Variants in SLC2A5 observed in about 807,000 individuals in gnomAD.
SLC2A5 encodes solute carrier family 2 member 5.
SLC2A5 carries 56 observed loss-of-function variants against 50.3 expected under a neutral mutation model. The ratio of observed to expected loss-of-function variants is 1.11; its 90% CI spans 0.90 to 1.39. The LOEUF (loss-of-function observed/expected upper bound fraction) is 1.39, where lower values mean the gene tolerates loss of function less well. SLC2A5 is among the 40% of genes most tolerant of loss of function. The pLI is 0.00. For synonymous variants in SLC2A5, 269 were observed against 281.9 expected (o/e 0.95, Z 0.46); for missense variants, 566 against 650.1 (o/e 0.87, Z 1.41).
rs538196605 is a variant in SLC2A5, at chr1:9,038,689, C to T, written c.1098+139G>A. Reference sequence around the variant, plus strand: ...ATGAGCTGGCAGGACACACGGTCCCCAGATGTCTGGCCAGTTGTATTTGCT... The same window carrying T: ...ATGAGCTGGCAGGACACACGGTCCCTAGATGTCTGGCCAGTTGTATTTGCT... On this transcript the variant is annotated intron_variant, in intron 9 of 11. Transcript: ENST00000377424. 1.8e-4 allele frequency: 240 copies of T among 1,362,540 alleles called. No homozygotes were observed. In the African/African-American group the frequency reaches 3.3e-3, roughly 19 times the overall value. 84.4% of individuals were successfully genotyped at this position (1,362,540 alleles called of 1,614,324 possible).
chr1:9,082,619 A>G (rs1642366958), intron 2 of SLC2A5: 1 of 157,866 alleles, frequency 6.3e-6, no homozygotes, highest in Admixed American at 6.5e-5. Context: ...GAAGCCAGAC[A>G]GAAAAAGGTT....
chr1:9,085,747 G>A (rs12739327), intron 1 of SLC2A5, among the ~76,000 whole-genome samples: 13,112 of 152,228 alleles, frequency 0.086, 686 homozygotes, highest in Middle Eastern at 0.19. Flanking sequence ...TTACACTGGG[G>A]TGGCAGTGGT....
chr1:9,060,633 A>C (rs1641913490), intron 1 of SLC2A5, among the ~76,000 whole-genome samples: 2 of 112,102 alleles, frequency 1.8e-5, no homozygotes, highest in African/African-American at 3.4e-5. Flanking sequence ...ACACATACAC[A>C]CATACAGCCC....
rs151205425 is a variant in SLC2A5, at chr1:9,052,426, T to C, written c.294-4692A>G. Among the ~76,000 whole-genome samples the C allele has an allele frequency of 7.2e-4, 109 of 152,218 alleles. 3 individuals are homozygous for C. The East Asian group carries it at 0.017, about 24-fold the overall frequency. On this transcript the variant is annotated intron_variant, in intron 3 of 11. Coordinates refer to ENST00000377424, the MANE Select transcript of SLC2A5 (RefSeq NM_003039.3). The stretch of plus-strand genomic sequence containing the variant: ...AGGGAGGGGGTGACTAGGCAGAGCA[T>C]AGAGGATTCTTAGGGCAGTGAAACT...
In SLC2A5 at chr1:9,040,340, G is replaced by T; in HGVS notation, c.572-151C>A. 1 of 920,394 alleles carries T rather than the reference G, an allele frequency of 1.1e-6. No homozygotes were observed. Among genetic ancestry groups the T allele is most frequent in the Non-Finnish European group, 1.6e-6 (1 of 630,022 alleles). 57.0% of individuals were successfully genotyped at this position (920,394 alleles called of 1,614,324 possible). ...AGCCCTAAGAACAGCAACTCCCGAC[G>T]GTGGACACTCGGGAAACACCTGCAG... On this transcript the variant is annotated intron_variant, in intron 5 of 11. Coordinates refer to ENST00000377424, the MANE Select transcript of SLC2A5 (RefSeq NM_003039.3). This position sits in a 1 kb window ranked among gnomAD's most constrained non-coding sequence, Gnocchi z 4.3.
chr1:9,060,228 TAC>T (rs146421589), intron 1 of SLC2A5, among the ~76,000 whole-genome samples: 41,219 of 104,202 alleles, frequency 0.4, 7,100 homozygotes, highest in East Asian at 0.49. Context: ...TAACAAACAA[TAC>T]ACACACACCC....
At chr1:9,093,157 C>T (rs1557688946), upstream of SLC2A5, among the ~76,000 whole-genome samples, 1 of 152,250 alleles carries the variant, frequency 6.6e-6, no homozygotes, top group East Asian at 1.9e-4. Flanking sequence ...TAATCCCTTC[C>T]TACAGCCAGG....
intron 4 of SLC2A5, 146 bp downstream of exon 4, chr1:9,047,464 G>T: frequency 1.4e-6 from 1 of 730,448 alleles, no homozygotes; most frequent in Non-Finnish European, 2.2e-6. Flanking sequence ...GAACCAGGTA[G>T]GGCTCAACCA....
chr1:9,067,285 C>A (rs542533266), intron 1 of SLC2A5, among the ~76,000 whole-genome samples: 7 of 152,196 alleles, frequency 4.6e-5, no homozygotes, highest in Non-Finnish European at 7.3e-5. Context: ...CTCTCAGGAG[C>A]GGGAAGCCCA....
rs138515110 is a variant in SLC2A5 at position 9,077,789 on chromosome 1, A to AGAAG, written c.-59+7221_-59+7224dup. On this transcript the variant is annotated intron_variant, in intron 2 of 5. Transcript: ENST00000464985. ...GGAGGGAGGGAGGGAAAGAAGGGGAAGAAGGAAGGAAGGAAGGAAGGACAG... is the reference window on the plus strand; with the variant it reads ...GGAGGGAGGGAGGGAAAGAAGGGGAAGAAGGAAGGAAGGAAGGAAGGAAGGACAG... 1.4e-3 allele frequency among the ~76,000 whole-genome samples: 161 copies of AGAAG among 113,176 alleles called. 1 individual carries two copies. The highest frequency in any genetic ancestry group is 5.2e-3 in the African/African-American group (142 of 27,508). The allele number at this position is 113,176 out of a possible 152,430, so 74.2% of individuals were successfully genotyped here.
Position 9,050,773 on chromosome 1 carries a change from A to T in SLC2A5, c.294-3039T>A, listed in dbSNP as rs12078094. 6.5e-3 allele frequency among the ~76,000 whole-genome samples: 987 copies of T among 152,330 alleles called. 11 individuals carry two copies. The highest frequency in any genetic ancestry group is 0.022 in the African/African-American group (907 of 41,576). Reference sequence around the variant, plus strand: ...AAAATCTTTAGCCAATAAAGACAAAAAGGGAAGTTGGGTAATAGTCTTAAT... The same window carrying T: ...AAAATCTTTAGCCAATAAAGACAAATAGGGAAGTTGGGTAATAGTCTTAAT... On this transcript the variant is annotated intron_variant, in intron 3 of 11. Coordinates refer to ENST00000377424, the MANE Select transcript of SLC2A5 (RefSeq NM_003039.3).
chr1:9,085,769 C>G (rs1038045464), intron 1 of SLC2A5, among the ~76,000 whole-genome samples: 2 of 152,146 alleles, frequency 1.3e-5, no homozygotes, highest in African/African-American at 4.8e-5. Flanking sequence ...CAGGACGGGG[C>G]AGGTTTGCTC....
rs753048550 is a variant in SLC2A5 at position 9,037,755 on chromosome 1, G to A, written c.1337C>T (p.Ala446Val). 8.7e-6 allele frequency: 14 copies of A among 1,614,044 alleles called. No individual in the cohort carries two copies. Residue 446 changes from alanine (A) to valine (V), a missense_variant, in exon 12 of 12, where the codon GCC becomes GTC. Transcript: ENST00000377424. ...GLGPYSFIVF[A>V]VICLLTTIYI... ...GATGGTGGTGAGGAGGCAGATCACG[G>A]CGAAGACAATGAAGCTGTACGGGCC...
chr1:9,050,191 T>G (rs1433149609), intron 3 of SLC2A5, among the ~76,000 whole-genome samples: 1 of 151,804 alleles, frequency 6.6e-6, no homozygotes, highest in Non-Finnish European at 1.5e-5. Flanking sequence ...GCTAGAGAAT[T>G]GCTTGAACTC....
chr1:9,049,625 C>G (rs1396130261), intron 3 of SLC2A5, among the ~76,000 whole-genome samples: 2 of 151,516 alleles, frequency 1.3e-5, no homozygotes. Flanking sequence ...ATCGCTTGAA[C>G]CTGGAAGGCG....
In SLC2A5 at chr1:9,039,985, G is replaced by A. The variant is rs1202638325; in HGVS notation, c.700C>T (p.Leu234=). 6.2e-7 allele frequency: 1 copy of A among 1,605,872 alleles called. No individual in the cohort carries two copies. The highest frequency in any genetic ancestry group is 1.3e-5 in the African/African-American group (1 of 74,742). ...KKDEAAAKKA[L]QTLRGWDSVD... ...GAGTCCCAGCCGCGCAGCGTCTGTA[G>A]GGCTGGGGAGAAGCGGCACCGTCGG... Residue 234 remains leucine (L), a splice_region_variant and synonymous_variant, in exon 7 of 12, where the codon CTA becomes TTA. Transcript: ENST00000377424.
chr1:9,047,779 C>G lies in SLC2A5; in HGVS notation c.294-45G>C, dbSNP rs779134802. On this transcript the variant is annotated intron_variant, in intron 3 of 11. Coordinates refer to ENST00000377424, the MANE Select transcript of SLC2A5 (RefSeq NM_003039.3). ...AGTTAGTTTTGCTGAAGAATTCACT[C>G]TTTCATTCAAGAAATGTTTCTGGAG... is the stretch of plus-strand genomic sequence containing the variant. The G allele has an allele frequency of 1.9e-6, 3 of 1,600,342 alleles. No homozygotes were observed. In the South Asian group the frequency reaches 3.3e-5, roughly 18 times the overall value.
chr1:9,040,251 C>A lies in SLC2A5; in HGVS notation c.572-62G>T. 6.6e-7 allele frequency: 1 copy of A among 1,518,528 alleles called. No individual in the cohort carries two copies. Among genetic ancestry groups the A allele is most frequent in the Non-Finnish European group, 8.8e-7 (1 of 1,138,346 alleles). The allele number at this position is 1,518,528 out of a possible 1,614,324, so 94.1% of individuals were successfully genotyped here. A position where few individuals can be genotyped will look rare whatever the true frequency, so the allele number is the denominator to read the frequency against. The stretch of plus-strand genomic sequence containing the variant: ...CCCACCACCCCGAAGGCGCCCTCTG[C>A]AGAGCCGGCCCCAGCCCCGTCATCC... On this transcript the variant is annotated intron_variant, in intron 5 of 11. Transcript: ENST00000377424. This position sits in a 1 kb window ranked among gnomAD's most constrained non-coding sequence, Gnocchi z 4.3.
chr1:9,072,197 G>A, upstream of SLC2A5: 1 of 152,232 alleles, frequency 6.6e-6, no homozygotes. Context: ...CAGGCTCCGC[G>A]AGCAGGGCGG....
Sources: gnomAD v4.1 joint callset for allele counts (sites outside exome capture counted in the v4.1 genomes callset) on GRCh38, gnomAD v4.1.1 for gene constraint, Gnocchi (gnomAD v3.1) non-coding constraint, MANE v1.5 for transcripts, NCBI Gene and HGNC (gene_info 2026-07-23, HGNC 2026-07-21) for gene names.